Variants in DCDC2C observed in about 807,000 individuals in gnomAD.
DCDC2C encodes the protein doublecortin domain containing 2C.
Under a neutral mutation model 45.0 loss-of-function variants are expected in DCDC2C, and 44 were observed. The ratio of observed to expected loss-of-function variants is 0.98; its 90% CI spans 0.77 to 1.26. The LOEUF (loss-of-function observed/expected upper bound fraction) is 1.26, where lower values mean the gene tolerates loss of function less well. DCDC2C is among the 50% of genes most tolerant of loss of function. DCDC2C has a pLI of 0.00. For missense variants in DCDC2C, 447 were observed against 468.9 expected (o/e 0.95, Z 0.43); for synonymous variants, 187 against 178.8 (o/e 1.05, Z -0.37).
intron 10 of DCDC2C, among the ~76,000 whole-genome samples, chr2:3,820,054 C>T (rs1671649593): frequency 6.6e-6 from 1 of 152,104 alleles, no homozygotes; most frequent in Admixed American, 6.5e-5. Context: ...AAGGAACAGA[C>T]AGGAGAGAAA....
intron 9 of DCDC2C, among the ~76,000 whole-genome samples, chr2:3,780,221 G>T (rs1373794732): frequency 1.3e-5 from 2 of 152,110 alleles, no homozygotes; most frequent in African/African-American, 4.8e-5. Flanking sequence ...GCTAAGAGGG[G>T]CAAACAAGCC....
intron 2 of DCDC2C, among the ~76,000 whole-genome samples, chr2:3,710,712 C>T (rs1456283671): frequency 6.6e-6 from 1 of 152,176 alleles, no homozygotes; most frequent in Non-Finnish European, 1.5e-5. Context: ...TTAGTTCCCA[C>T]TTACAGGTGA....
At chr2:3,816,026 C>T (rs970824915) in intron 10 of DCDC2C, among the ~76,000 whole-genome samples, 16 of 151,942 alleles carry the variant, frequency 1.1e-4, no homozygotes, top group East Asian at 1.9e-4. Context: ...GGAGAGATAA[C>T]GGGTGATGCT....
chr2:3,766,574 C>G (rs1028880314), intron 6 of DCDC2C, among the ~76,000 whole-genome samples: 2 of 152,214 alleles, frequency 1.3e-5, no homozygotes, highest in African/African-American at 4.8e-5. Context: ...TGTGTGGTCG[C>G]ATGTATAAGG....
At chr2:3,746,363 G>GC (rs1244698792) in intron 4 of DCDC2C, among the ~76,000 whole-genome samples, 1 of 152,202 alleles carries the variant, frequency 6.6e-6, no homozygotes, top group Non-Finnish European at 1.5e-5. Flanking sequence ...CCAGGCCCTG[G>GC]CCAGGGAAAG....
rs73910387 is a variant in DCDC2C, at chr2:3,826,924, C to T, written c.1066-20230C>T. On this transcript the variant is annotated intron_variant, in intron 10 of 10. Coordinates refer to ENST00000399143, the MANE Select transcript of DCDC2C (RefSeq NM_001287444.2). ...CTCCGTCCCTCCATCCCTCCCTCCC[C>T]TGCCTCCCTCCCTTCCCTGCCTCCC... Among the ~76,000 whole-genome samples, 552 of 152,102 alleles carry T rather than the reference C, an allele frequency of 3.6e-3. 10 individuals carry two copies. The highest frequency in any genetic ancestry group is 0.013 in the African/African-American group (529 of 41,492).
chr2:3,735,006 C>T (rs1668982104), intron 3 of DCDC2C, among the ~76,000 whole-genome samples: 1 of 152,158 alleles, frequency 6.6e-6, no homozygotes, highest in South Asian at 2.1e-4. Flanking sequence ...ACAAGACCCC[C>T]ACTTTCTCGC....
intron 4 of DCDC2C, among the ~76,000 whole-genome samples, chr2:3,743,609 A>G (rs1292233154): frequency 6.6e-6 from 1 of 152,242 alleles, no homozygotes; most frequent in African/African-American, 2.4e-5. Context: ...TGGAAAATTC[A>G]CAAATATTTG....
chr2:3,758,232 A>G (rs1411271085), intron 6 of DCDC2C, among the ~76,000 whole-genome samples: 1 of 152,152 alleles, frequency 6.6e-6, no homozygotes, highest in Non-Finnish European at 1.5e-5. Flanking sequence ...CCACATCCCG[A>G]CATCCCTGGA....
intron 10 of DCDC2C, among the ~76,000 whole-genome samples, chr2:3,832,447 A>C (rs1236901301): frequency 1.3e-5 from 2 of 152,204 alleles, no homozygotes; most frequent in East Asian, 3.9e-4. Context: ...TCCTTGAAGC[A>C]ACCTTTGTGT....
intron 3 of DCDC2C, among the ~76,000 whole-genome samples, chr2:3,732,787 G>C (rs1668912359): frequency 6.6e-6 from 1 of 152,112 alleles, no homozygotes; most frequent in South Asian, 2.1e-4. Flanking sequence ...CATTTCTGAG[G>C]AGGATGGGGT....
chr2:3,756,285 C>A (rs1558211800), intron 6 of DCDC2C, among the ~76,000 whole-genome samples: 1 of 152,138 alleles, frequency 6.6e-6, no homozygotes, highest in Non-Finnish European at 1.5e-5. Context: ...GTTCTATTGA[C>A]ATTAATATTT....
chr2:3,717,612 T>C (rs1413478360), intron 2 of DCDC2C, among the ~76,000 whole-genome samples: 2 of 152,150 alleles, frequency 1.3e-5, no homozygotes, highest in Non-Finnish European at 2.9e-5. Context: ...CTTGTCCCTT[T>C]CCCATGTGAT....
chr2:3,796,941 A>G (rs1323523875), intron 10 of DCDC2C, among the ~76,000 whole-genome samples: 1 of 152,204 alleles, frequency 6.6e-6, no homozygotes, highest in Non-Finnish European at 1.5e-5. Context: ...TTCAGAAGGA[A>G]TGGTACCAGT....
rs74747001 is a variant in DCDC2C, at chr2:3,842,063, G to A, written c.1066-5091G>A. On this transcript the variant is annotated intron_variant, in intron 10 of 10. Coordinates refer to ENST00000399143, the MANE Select transcript of DCDC2C (RefSeq NM_001287444.2). ...GTTCAAGATGAATCTGCAAGTGGAC[G>A]GAGGCAGCAGGACTCATGTGCTATT... Among the ~76,000 whole-genome samples, 1,122 of 152,138 alleles carry A rather than the reference G, an allele frequency of 7.4e-3. 33 individuals are homozygous for A. In the East Asian group the frequency reaches 0.11, roughly 15 times the overall value.
intron 10 of DCDC2C, among the ~76,000 whole-genome samples, chr2:3,809,721 T>C (rs1201659911): frequency 2.0e-5 from 3 of 151,972 alleles, no homozygotes; most frequent in Non-Finnish European, 4.4e-5. Flanking sequence ...CCTATTGACT[T>C]GTTCTCTAAG....
chr2:3,759,893 T>G (rs1461945832), intron 6 of DCDC2C, among the ~76,000 whole-genome samples: 2 of 152,214 alleles, frequency 1.3e-5, no homozygotes, highest in African/African-American at 4.8e-5. Context: ...CTCATTTATG[T>G]GTGATGACGA....
At chr2:3,741,124 G>C (rs1669192907) in intron 3 of DCDC2C, among the ~76,000 whole-genome samples, 1 of 152,180 alleles carries the variant, frequency 6.6e-6, no homozygotes, top group South Asian at 2.1e-4. Context: ...AATCTTCTAA[G>C]CACTTCCTCT....
At chr2:3,759,315 G>C (rs1009566325) in intron 6 of DCDC2C, among the ~76,000 whole-genome samples, 2 of 152,056 alleles carry the variant, frequency 1.3e-5, no homozygotes, top group African/African-American at 4.8e-5. Context: ...CATAAAAATG[G>C]GTGTCTAAAT....
Sources: gnomAD v4.1 joint callset for allele counts (sites outside exome capture counted in the v4.1 genomes callset) on GRCh38, gnomAD v4.1.1 for gene constraint, MANE v1.5 for transcripts, NCBI Gene and HGNC (gene_info 2026-07-23, HGNC 2026-07-21) for gene names.